The following FANCL variants were observed in gnomAD, a reference collection of about 807,000 sequenced individuals.
The protein encoded by FANCL is E3 ubiquitin-protein ligase FANCL.
A neutral mutation model predicts 59.4 loss-of-function variants in FANCL; 69 were observed. The observed-to-expected ratio is 1.16, with a 90% CI of 0.96 to 1.42. The LOEUF (loss-of-function observed/expected upper bound fraction) is 1.42. FANCL is among the 40% of genes most tolerant of loss of function. The pLI is 0.00. For synonymous variants in FANCL, 180 were observed against 147.1 expected (o/e 1.22, Z -1.62); for missense variants, 519 against 447.2 (o/e 1.16, Z -1.45).
chr2:58,173,506 T>G (rs9677908), intron 7 of FANCL, among the ~76,000 whole-genome samples: 1 of 152,130 alleles, frequency 6.6e-6, no homozygotes, highest in Non-Finnish European at 1.5e-5. Context: ...AAAAGAATTT[T>G]CAACCCAGAA....
At chr2:58,203,877 T>C (rs1690307129) in intron 6 of FANCL, among the ~76,000 whole-genome samples, 1 of 152,092 alleles carries the variant, frequency 6.6e-6, no homozygotes, top group South Asian at 2.1e-4. Context: ...ACTCTGAGTC[T>C]ATAAAATTGT....
chr2:58,228,546 T>C (rs575536193), intron 3 of FANCL, among the ~76,000 whole-genome samples: 3 of 152,250 alleles, frequency 2.0e-5, no homozygotes, highest in Non-Finnish European at 2.9e-5. Context: ...CACATTCACT[T>C]ACCTCTTGTC....
chr2:58,232,659 G>A (rs1167661993), intron 1 of FANCL, among the ~76,000 whole-genome samples: 1 of 151,850 alleles, frequency 6.6e-6, no homozygotes, highest in African/African-American at 2.4e-5. Context: ...CCATTAGTGG[G>A]CCTCTAACTT....
intron 8 of FANCL, among the ~76,000 whole-genome samples, chr2:58,164,777 A>G (rs1412533550): frequency 6.6e-6 from 1 of 152,112 alleles, no homozygotes; most frequent in Non-Finnish European, 1.5e-5. Context: ...GTTCACAAAT[A>G]TACCATAATT....
At chr2:58,178,063 A>G (rs1687541005) in intron 7 of FANCL, among the ~76,000 whole-genome samples, 1 of 152,178 alleles carries the variant, frequency 6.6e-6, no homozygotes, top group Non-Finnish European at 1.5e-5. Flanking sequence ...CCCGAAATAG[A>G]TCGATAACAA....
At chr2:58,226,932 C>A in intron 3 of FANCL, 148 bp from the exon 4 acceptor site, 2 of 689,238 alleles carry the variant, frequency 2.9e-6, no homozygotes, top group Non-Finnish European at 2.5e-6. Context: ...TATCGGTCAT[C>A]AACTTTACTA....
intron 5 of FANCL, among the ~76,000 whole-genome samples, chr2:58,205,109 G>A (rs1690456285): frequency 1.3e-5 from 2 of 151,946 alleles, no homozygotes; most frequent in Non-Finnish European, 2.9e-5. Flanking sequence ...TATCACCCAG[G>A]CTGATAGTAA....
In FANCL at chr2:58,210,602, C is replaced by A. The variant is rs1691046277; in HGVS notation, c.375-6376G>T. Among the ~76,000 whole-genome samples the A allele has an allele frequency of 2.0e-5, 3 of 152,118 alleles. 1 individual carries two copies. The South Asian group carries it at 6.2e-4, about 32-fold the overall frequency. ...CTTATTTCATCATTAACTCAAAAGT[C>A]CACAGTCCAAAGTCTCATCTAAGAC... is the stretch of plus-strand genomic sequence containing the variant. On this transcript the variant is annotated intron_variant, in intron 5 of 13. Coordinates refer to ENST00000233741, the MANE Select transcript of FANCL (RefSeq NM_018062.4).
intron 7 of FANCL, among the ~76,000 whole-genome samples, chr2:58,194,781 A>G (rs1482400243): frequency 6.6e-6 from 1 of 152,026 alleles, no homozygotes; most frequent in East Asian, 1.9e-4. Context: ...ATCCAAATGA[A>G]TATGTCAGAG....
intron 1 of FANCL, among the ~76,000 whole-genome samples, chr2:58,232,701 T>G (rs1001975723): frequency 2.0e-5 from 3 of 151,972 alleles, no homozygotes; most frequent in African/African-American, 4.8e-5. Flanking sequence ...AACTATATAT[T>G]TGAACAAACA....
At chr2:58,220,638 C>T (rs1041030398) in intron 5 of FANCL, among the ~76,000 whole-genome samples, 3 of 152,128 alleles carry the variant, frequency 2.0e-5, no homozygotes, top group Admixed American at 6.5e-5. Flanking sequence ...TATTAAAGGA[C>T]ATATATTCTG....
intron 6 of FANCL, among the ~76,000 whole-genome samples, chr2:58,202,848 G>T (rs1467972897): frequency 6.6e-6 from 1 of 151,760 alleles, no homozygotes; most frequent in Non-Finnish European, 1.5e-5. Flanking sequence ...TTAGGAAGTA[G>T]AAGAGCTTGT....
intron 1 of FANCL, among the ~76,000 whole-genome samples, chr2:58,234,700 T>C (rs939491206): frequency 6.6e-6 from 1 of 151,950 alleles, no homozygotes; most frequent in African/African-American, 2.4e-5. Flanking sequence ...AATCAACAGA[T>C]TTTCAAAATA....
rs1684880840 is a variant in FANCL at position 58,160,055 on chromosome 2, A to G, written c.1092+53T>C. On this transcript the variant is annotated intron_variant, in intron 13 of 13. Coordinates refer to ENST00000233741, the MANE Select transcript of FANCL (RefSeq NM_018062.4). ...ACTATATAGATCTATCTTCTAGAAC[A>G]TATTACTGAAAGCTAGGCACATTTT... is the stretch of plus-strand genomic sequence containing the variant. 5.0e-6 allele frequency: 8 copies of G among 1,607,504 alleles called. No individual in the cohort carries two copies. In the South Asian group the frequency reaches 7.7e-5, roughly 15 times the overall value.
intron 5 of FANCL, among the ~76,000 whole-genome samples, chr2:58,211,379 G>A (rs1403941704): frequency 1.3e-5 from 2 of 152,144 alleles, no homozygotes; most frequent in African/African-American, 2.4e-5. Context: ...TCCCTAGCCT[G>A]CACACAGTGC....
chr2:58,213,977 C>G (rs1051730696), intron 5 of FANCL, among the ~76,000 whole-genome samples: 1 of 152,164 alleles, frequency 6.6e-6, no homozygotes, highest in Admixed American at 6.5e-5. Flanking sequence ...TAGGGAGCAT[C>G]ATTCACACAG....
At chr2:58,241,074 T>C in intron 1 of FANCL, 144 bp downstream of exon 1, 1 of 813,602 alleles carries the variant, frequency 1.2e-6, no homozygotes, top group Non-Finnish European at 2.0e-6. Flanking sequence ...TTCTCAAACC[T>C]TTAGTCTCCC....
intron 5 of FANCL, among the ~76,000 whole-genome samples, chr2:58,206,807 G>A (rs924287797): frequency 2.0e-5 from 3 of 152,160 alleles, no homozygotes; most frequent in Non-Finnish European, 2.9e-5. Context: ...TATACTTTCA[G>A]ATTAATATCA....
intron 7 of FANCL, among the ~76,000 whole-genome samples, chr2:58,177,015 G>C (rs1395173590): frequency 6.6e-6 from 1 of 151,920 alleles, no homozygotes; most frequent in Non-Finnish European, 1.5e-5. Context: ...ATGCAGCCAA[G>C]AAACACATGA....
Sources: allele counts gnomAD v4.1 joint callset (sites outside exome capture counted in the v4.1 genomes callset), GRCh38; gene constraint gnomAD v4.1.1; transcripts MANE v1.5; gene names NCBI Gene and HGNC (gene_info 2026-07-23, HGNC 2026-07-21).